The following HNMT variants were observed in gnomAD, a reference collection of about 807,000 sequenced individuals.
HNMT encodes the protein histamine N-methyltransferase.
In HNMT, 30 loss-of-function variants were observed where a neutral mutation model predicts 32.1. The observed-to-expected ratio is 0.93, with a 90% CI of 0.70 to 1.27. The LOEUF is 1.27. HNMT is among the 50% of genes most tolerant of loss of function. The pLI, the probability that HNMT is intolerant of heterozygous loss-of-function variation, is 0.00. For missense variants in HNMT, 327 were observed against 346.0 expected, an observed-to-expected ratio of 0.95 and a Z score of 0.43; for synonymous variants, 125 against 119.0, an observed-to-expected ratio of 1.05 and a Z score of -0.33.
intron 4 of HNMT, chr2:138,002,763 A>G: frequency 2.1e-6 from 2 of 961,780 alleles, no homozygotes; most frequent in Non-Finnish European, 1.2e-6. Flanking sequence ...TTATTTTTAT[A>G]TCATTGGATG....
rs772679768 is a variant in HNMT at position 138,013,995 on chromosome 2, C to T, written c.744C>T (p.Cys248=). ...DLLWDFLTET[C]NFNATAPPDL... ...TTTGGGATTTTTTGACTGAAACCTGCAACTTTAATGCCACAGCACCACCTG... is the reference window on the plus strand; with the variant it reads ...TTTGGGATTTTTTGACTGAAACCTGTAACTTTAATGCCACAGCACCACCTG... Residue 248 remains cysteine (C), a synonymous_variant, in exon 6 of 6, where the codon TGC becomes TGT. Coordinates refer to ENST00000280097, the MANE Select transcript of HNMT (RefSeq NM_006895.3). 14 of 1,613,660 alleles carry T rather than the reference C, an allele frequency of 8.7e-6. No individual in the cohort carries two copies. The highest frequency in any genetic ancestry group is 1.2e-5 in the Non-Finnish European group (14 of 1,179,742).
At chr2:137,981,810 T>A (rs1680508917) in intron 2 of HNMT, 2 of 156,252 alleles carry the variant, frequency 1.3e-5, no homozygotes, top group South Asian at 2.0e-4. Context: ...TTCTAGTGAA[T>A]AAGAAATTTG....
chr2:137,993,364 C>T (rs1680884050), intron 2 of HNMT, among the ~76,000 whole-genome samples: 1 of 152,124 alleles, frequency 6.6e-6, no homozygotes, highest in South Asian at 2.1e-4. Flanking sequence ...GCATAAACAA[C>T]ATGTTGGAGC....
At chr2:137,985,025 T>G (rs1440674931) in intron 2 of HNMT, among the ~76,000 whole-genome samples, 1 of 152,158 alleles carries the variant, frequency 6.6e-6, no homozygotes, top group African/African-American at 2.4e-5. Context: ...AATCATGTCA[T>G]GAAGTTCTAT....
intron 2 of HNMT, among the ~76,000 whole-genome samples, chr2:137,991,306 G>T (rs1353829729): frequency 6.6e-6 from 1 of 152,246 alleles, no homozygotes; most frequent in Non-Finnish European, 1.5e-5. Flanking sequence ...CAACCATGTA[G>T]TAATGTGATT....
In HNMT at chr2:138,005,315, G is replaced by T. The variant is rs553607442; in HGVS notation, c.523+90G>T. ...TGTTTGAAAGAAGCTTATATATTTT[G>T]TCTTCATTATGAAATTCTTGCCTTG... On this transcript the variant is annotated intron_variant, in intron 5 of 5. Coordinates refer to ENST00000280097, the MANE Select transcript of HNMT (RefSeq NM_006895.3). 1.7e-3 allele frequency: 1,250 copies of T among 757,560 alleles called. 3 individuals carry two copies. The highest frequency in any genetic ancestry group is 3.5e-3 in the Admixed American group (156 of 45,198). The allele number at this position is 757,560 out of a possible 1,614,324, so 46.9% of individuals were successfully genotyped here.
At chr2:137,991,560 A>G (rs1320522773) in intron 2 of HNMT, among the ~76,000 whole-genome samples, 1 of 152,230 alleles carries the variant, frequency 6.6e-6, no homozygotes, top group East Asian at 1.9e-4. Flanking sequence ...CCATAAAATT[A>G]TAATAAAAGA....
Position 138,014,038 on chromosome 2 carries a change from G to C in HNMT, c.787G>C (p.Gly263Arg). The C allele has an allele frequency of 6.2e-7, 1 of 1,613,678 alleles. No homozygotes were observed. The highest frequency in any genetic ancestry group is 8.5e-7 in the Non-Finnish European group (1 of 1,179,742). ...TAPPDLRAELGKDLQEPEFSA... is the reference protein window; with the variant it reads ...TAPPDLRAELRKDLQEPEFSA... ...ACCACCTGATCTCAGAGCAGAGCTT[G>C]GGAAAGATCTACAAGAGCCTGAATT... The change falls in exon 6 of 6, where the codon GGG (glycine) becomes CGG (arginine). Residue 263 changes from glycine to arginine, a missense_variant. By Grantham distance (125) the Gly-to-Arg change is moderately radical (BLOSUM62 -2). Transcript: ENST00000280097.
chr2:137,988,900 A>AT (rs1349557162), intron 2 of HNMT, among the ~76,000 whole-genome samples: 6 of 152,150 alleles, frequency 3.9e-5, no homozygotes, highest in Admixed American at 6.5e-5. Context: ...TATTTTTGTC[A>AT]TTGTTGTTTT....
chr2:137,970,161 T>A lies in HNMT; in HGVS notation c.138-4T>A. 1 of 1,541,718 alleles carries A rather than the reference T, an allele frequency of 6.5e-7. No homozygotes were observed. The highest frequency in any genetic ancestry group is 8.9e-7 in the Non-Finnish European group (1 of 1,122,554). On this transcript the variant is annotated splice_polypyrimidine_tract_variant and splice_region_variant and intron_variant, in intron 1 of 5. Transcript: ENST00000280097. ...TCTAAAACTACATAATTTTTTTCTTTCAGGATTGGAGACACAAAATCAGAA... is the reference window on the plus strand; with the variant it reads ...TCTAAAACTACATAATTTTTTTCTTACAGGATTGGAGACACAAAATCAGAA...
intron 2 of HNMT, among the ~76,000 whole-genome samples, chr2:137,975,126 C>G (rs1411020492): frequency 6.6e-6 from 1 of 152,182 alleles, no homozygotes; most frequent in Non-Finnish European, 1.5e-5. Context: ...GTGTCTGAGA[C>G]AGCTCTCAAT....
chr2:137,972,763 T>G (rs1294248589), intron 2 of HNMT, among the ~76,000 whole-genome samples: 1 of 152,180 alleles, frequency 6.6e-6, no homozygotes, highest in East Asian at 1.9e-4. Flanking sequence ...TAGTGTCACT[T>G]GTGCTTGGAC....
At chr2:138,011,875 C>T (rs1188458127) in intron 5 of HNMT, among the ~76,000 whole-genome samples, 1 of 152,086 alleles carries the variant, frequency 6.6e-6, no homozygotes. Context: ...ATTATCACCC[C>T]TGTTTTACAG....
intron 2 of HNMT, among the ~76,000 whole-genome samples, chr2:137,986,621 C>T (rs1319455364): frequency 6.6e-6 from 1 of 152,144 alleles, no homozygotes. Flanking sequence ...TGTCTGAGCA[C>T]TCCATGGCCC....
At chr2:137,995,751 C>A (rs955419656) in intron 2 of HNMT, among the ~76,000 whole-genome samples, 1 of 151,950 alleles carries the variant, frequency 6.6e-6, no homozygotes, top group South Asian at 2.1e-4. Flanking sequence ...TGATGAATAT[C>A]GATGGGAAAA....
At chr2:137,970,602 T>C (rs1680091125) in intron 2 of HNMT, among the ~76,000 whole-genome samples, 1 of 152,054 alleles carries the variant, frequency 6.6e-6, no homozygotes, top group South Asian at 2.1e-4. Flanking sequence ...TTTCAAACTG[T>C]TATTGGTCCA....
At chr2:137,983,583 T>C (rs774935796) in intron 2 of HNMT, among the ~76,000 whole-genome samples, 3 of 152,172 alleles carry the variant, frequency 2.0e-5, no homozygotes, top group African/African-American at 7.2e-5. Context: ...GTGCTCATCA[T>C]ACAGGATACA....
chr2:138,010,434 GACACACGC>G lies in HNMT; in HGVS notation c.524-3334_524-3327del, dbSNP rs1322154303. Among the ~76,000 whole-genome samples the G allele has an allele frequency of 5.3e-3, 625 of 117,772 alleles. 3 individuals are homozygous for G. Among genetic ancestry groups the G allele is most frequent in the African/African-American group, 0.021 (589 of 27,770 alleles). 77.3% of individuals were successfully genotyped at this position (117,772 alleles called of 152,430 possible). ...TAGGAATAAAAGGCTCAATAAAAAA[GACACACGC>G]ACACACACACACACACACACACACA... On this transcript the variant is annotated intron_variant, in intron 5 of 5. Transcript: ENST00000280097.
At chr2:137,978,878 A>G (rs1242599363) in intron 2 of HNMT, among the ~76,000 whole-genome samples, 2 of 132,524 alleles carry the variant, frequency 1.5e-5, no homozygotes, top group African/African-American at 2.6e-5. Context: ...ATAGTCTTAT[A>G]TAATAAATAG....
Sources: allele counts gnomAD v4.1 joint callset (sites outside exome capture counted in the v4.1 genomes callset), GRCh38; gene constraint gnomAD v4.1.1; transcripts MANE v1.5; gene names NCBI Gene and HGNC (gene_info 2026-07-23, HGNC 2026-07-21).